Variants in ZNF519 observed in about 807,000 individuals in gnomAD.
The protein encoded by ZNF519 is zinc finger protein 519.
A neutral mutation model predicts 7.4 loss-of-function variants in ZNF519; 7 were observed. The ratio of observed to expected loss-of-function variants is 0.94; its 90% CI spans 0.54 to 1.77. The LOEUF (loss-of-function observed/expected upper bound fraction) is 1.77. Among genes scored for constraint, ZNF519 ranks in the 40% most tolerant of loss-of-function variants. The pLI, the probability that ZNF519 is intolerant of heterozygous loss-of-function variation, is 0.00. For missense variants in ZNF519, 586 were observed against 623.1 expected (o/e 0.94, Z 0.63); for synonymous variants, 179 against 203.3 (o/e 0.88, Z 1.02).
chr18:14,072,325 C>T (rs575348925), downstream of ZNF519: 5 of 152,254 alleles, frequency 3.3e-5, no homozygotes, highest in South Asian at 6.2e-4. Flanking sequence ...TACTGATACT[C>T]GGTTTATAAT....
In ZNF519 at chr18:14,101,897, T is replaced by G. The variant is rs1237711901; in HGVS notation, c.*3020A>C. 5.0e-6 allele frequency: 2 copies of G among 396,078 alleles called. No individual in the cohort carries two copies. Among genetic ancestry groups the G allele is most frequent in the African/African-American group, 2.1e-5 (1 of 48,568 alleles). 24.5% of individuals were successfully genotyped at this position (396,078 alleles called of 1,614,324 possible). A position where few individuals can be genotyped will look rare whatever the true frequency, so the allele number is the denominator to read the frequency against. ...CAGACCAGAGTCTACATAAACCTCC[T>G]GCCCTCTACTTTTTCTCCTAAATGC... is the stretch of plus-strand genomic sequence containing the variant. On this transcript the variant is annotated 3_prime_UTR_variant, in exon 3 of 3. Coordinates refer to ENST00000590202, the MANE Select transcript of ZNF519 (RefSeq NM_145287.4).
At chr18:14,114,982 T>C (rs999939985) in intron 2 of ZNF519, among the ~76,000 whole-genome samples, 2 of 152,088 alleles carry the variant, frequency 1.3e-5, no homozygotes, top group Admixed American at 6.6e-5. Context: ...TATATATAAA[T>C]TTAAGTTGCA....
chr18:14,108,481 G>A (rs551086718), intron 2 of ZNF519, among the ~76,000 whole-genome samples: 1 of 152,078 alleles, frequency 6.6e-6, no homozygotes, highest in Admixed American at 6.5e-5. Context: ...CCACTTTCAG[G>A]TCCCCTCTTG....
rs992971970 is a variant in ZNF519, at chr18:14,101,992, G to C, written c.*2925C>G. On this transcript the variant is annotated 3_prime_UTR_variant, in exon 3 of 3. Transcript: ENST00000590202. Reference sequence around the variant, plus strand: ...ATATTCTCTAATATTCAGGAATAAAGAGGTTTCCTACTGATTATGTTTTTT... The same window carrying C: ...ATATTCTCTAATATTCAGGAATAAACAGGTTTCCTACTGATTATGTTTTTT... 5.6e-6 allele frequency: 2 copies of C among 359,428 alleles called. No homozygotes were observed. The highest frequency in any genetic ancestry group is 2.1e-5 in the African/African-American group (1 of 47,788). The allele number at this position is 359,428 out of a possible 1,614,324, so 22.3% of individuals were successfully genotyped here.
chr18:14,086,634 C>T (rs1598508554), intron 2 of ZNF519, among the ~76,000 whole-genome samples: 1 of 152,328 alleles, frequency 6.6e-6, no homozygotes, highest in Admixed American at 6.5e-5. Flanking sequence ...GGACCGTAAA[C>T]AGAACCCCTG....
Position 14,105,257 on chromosome 18 carries a change from C to G in ZNF519, c.1283G>C (p.Gly428Ala). The change falls in exon 3 of 3, where the codon GGA (glycine) becomes GCA (alanine). Residue 428 changes from glycine to alanine, a missense_variant. Transcript: ENST00000590202. ...TTCTTTACATTTGAAGTGTTTCTCT[C>G]CAGTATGGATTCTCTGATGTTGAGT... ...HLTQHQRIHT[G>A]EKHFKCKECG... 6.2e-7 allele frequency: 1 copy of G among 1,613,344 alleles called. No individual in the cohort carries two copies.
chr18:14,120,697 G>A (rs947288603), intron 2 of ZNF519, among the ~76,000 whole-genome samples: 3 of 152,056 alleles, frequency 2.0e-5, no homozygotes, highest in African/African-American at 4.8e-5. Context: ...CAATGATGAT[G>A]ATAACCTATT....
At chr18:14,120,212 T>C (rs984252087) in intron 2 of ZNF519, among the ~76,000 whole-genome samples, 1 of 151,994 alleles carries the variant, frequency 6.6e-6, no homozygotes, top group African/African-American at 2.4e-5. Context: ...CAAAAACCAA[T>C]GGAACATAAT....
intron 2 of ZNF519, among the ~76,000 whole-genome samples, chr18:14,116,721 G>A (rs2046247494): frequency 1.3e-5 from 2 of 152,134 alleles, no homozygotes. Flanking sequence ...GGAAAATATA[G>A]GGTGACTGGG....
chr18:14,072,154 G>GT (rs1263560968), downstream of ZNF519: 2 of 152,080 alleles, frequency 1.3e-5, no homozygotes, highest in Non-Finnish European at 2.9e-5. Context: ...CCTTTTAAAG[G>GT]TATTTCTGGA....
Position 14,124,623 on chromosome 18 carries a change from ACT to A in ZNF519, c.4-149_4-148del, listed in dbSNP as rs2046287725. 22 of 1,013,828 alleles carry A rather than the reference ACT, an allele frequency of 2.2e-5. No individual in the cohort carries two copies. The South Asian group carries it at 3.8e-4, about 17-fold the overall frequency. The allele number at this position is 1,013,828 out of a possible 1,614,324, so 62.8% of individuals were successfully genotyped here. ...GTAATGTTCTCTAAAGCATTCTATA[ACT>A]CTGAGGGAAAAGGATGCCAGCAAGC... On this transcript the variant is annotated intron_variant, in intron 1 of 2. Transcript: ENST00000590202.
At chr18:14,071,720 T>C (rs1016713593), downstream of ZNF519, 5 of 152,096 alleles carry the variant, frequency 3.3e-5, no homozygotes, top group Non-Finnish European at 5.9e-5. Context: ...AATACTTCTA[T>C]GATATGACCT....
rs1003377463 is a variant in ZNF519 at position 14,100,948 on chromosome 18, A to G, written c.*3969T>C. Reference sequence around the variant, plus strand: ...ATCTATTCCCTCAGCAGTGCTTTCTACAAGGCCAAGTCTGAAGTACTTTCC... The same window carrying G: ...ATCTATTCCCTCAGCAGTGCTTTCTGCAAGGCCAAGTCTGAAGTACTTTCC... On this transcript the variant is annotated 3_prime_UTR_variant, in exon 3 of 3. Transcript: ENST00000590202. 6.6e-6 allele frequency: 1 copy of G among 152,238 alleles called. No individual in the cohort carries two copies. Among genetic ancestry groups the G allele is most frequent in the Admixed American group, 6.5e-5 (1 of 15,276 alleles). The allele number at this position is 152,238 out of a possible 1,614,324, so 9.4% of individuals were successfully genotyped here.
chr18:14,091,205 T>C (rs2046113076), intron 2 of ZNF519, among the ~76,000 whole-genome samples: 1 of 152,204 alleles, frequency 6.6e-6, no homozygotes, highest in African/African-American at 2.4e-5. Context: ...ATTTTTTTTA[T>C]AAAAAATTGT....
intron 3 of ZNF519, among the ~76,000 whole-genome samples, chr18:14,078,550 T>G (rs960126505): frequency 1.3e-5 from 2 of 152,126 alleles, no homozygotes; most frequent in African/African-American, 4.8e-5. Flanking sequence ...TTCAAGAGTT[T>G]TAAAGAATAA....
chr18:14,086,929 T>TAACAACAACAACAAC (rs3062559), intron 2 of ZNF519, among the ~76,000 whole-genome samples: 7 of 151,754 alleles, frequency 4.6e-5, no homozygotes, highest in Non-Finnish European at 2.9e-5. Flanking sequence ...GACAAGGACA[T>TAACAACAACAACAAC]AACAACAACA....
Position 14,124,556 on chromosome 18 carries a change from T to A in ZNF519, c.4-80A>T, listed in dbSNP as rs1028873756. ...AGTTAAAATAACTAGTTCTGACTTA[T>A]GTGGCTGACTAGGATTATCTGATAA... is the stretch of plus-strand genomic sequence containing the variant. On this transcript the variant is annotated intron_variant, in intron 1 of 2. Coordinates refer to ENST00000590202, the MANE Select transcript of ZNF519 (RefSeq NM_145287.4). 5 of 1,495,570 alleles carry A rather than the reference T, an allele frequency of 3.3e-6. No individual in the cohort carries two copies. In the South Asian group the frequency reaches 6.0e-5, roughly 18 times the overall value. 92.6% of individuals were successfully genotyped at this position (1,495,570 alleles called of 1,614,324 possible). A position where few individuals can be genotyped will look rare whatever the true frequency, so the allele number is the denominator to read the frequency against.
intron 2 of ZNF519, among the ~76,000 whole-genome samples, chr18:14,111,090 A>G (rs1321468589): frequency 6.6e-6 from 1 of 151,986 alleles, no homozygotes; most frequent in African/African-American, 2.4e-5. Flanking sequence ...AAGAAAAGAA[A>G]TAATAAAGAT....
Position 14,124,427 on chromosome 18 carries a change from C to T in ZNF519, c.53G>A (p.Trp18Ter), listed in dbSNP as rs776105436. 5.0e-6 allele frequency: 8 copies of T among 1,612,982 alleles called. No individual in the cohort carries two copies. The East Asian group carries it at 1.1e-4, about 22-fold the overall frequency. Residue 18 changes from tryptophan (W) to a stop codon, truncating the protein, a stop_gained, in exon 2 of 3, where the codon TGG becomes TAG. Coordinates refer to ENST00000590202, the MANE Select transcript of ZNF519 (RefSeq NM_145287.4). LOFTEE classifies it high-confidence loss of function. Reference sequence around the variant, plus strand: ...CTGTTGGGCAGGGTCTAGGCATTTCCACTCTTCTGGAGAGAATTCTATGGC... The same window carrying T: ...CTGTTGGGCAGGGTCTAGGCATTTCTACTCTTCTGGAGAGAATTCTATGGC... ...DVAIEFSPEEWKCLDPAQQNL... is the reference protein window; with the variant it reads ...DVAIEFSPEE
Sources: allele counts gnomAD v4.1 joint callset (sites outside exome capture counted in the v4.1 genomes callset), GRCh38; gene constraint gnomAD v4.1.1; transcripts MANE v1.5; gene names NCBI Gene and HGNC (gene_info 2026-07-23, HGNC 2026-07-21).